Variants in GRM8 observed in about 807,000 individuals in gnomAD.
GRM8 encodes the protein metabotropic glutamate receptor 8.
GRM8 carries 47 observed loss-of-function variants against 87.2 expected under a neutral mutation model. The observed-to-expected ratio is 0.54, with a 90% CI of 0.43 to 0.69. GRM8 has a LOEUF of 0.69. GRM8 is among the 30% of genes least tolerant of loss of function. GRM8 has a pLI of 0.00. For missense variants in GRM8, 1,019 were observed against 1,139.2 expected, an observed-to-expected ratio of 0.89 and a Z score of 1.52; for synonymous variants, 396 against 404.5, an observed-to-expected ratio of 0.98 and a Z score of 0.25.
intron 6 of GRM8, among the ~76,000 whole-genome samples, chr7:126,790,720 C>T (rs1322603940): frequency 6.6e-6 from 1 of 152,064 alleles, no homozygotes; most frequent in Non-Finnish European, 1.5e-5. Flanking sequence ...CAGGGCTGCA[C>T]TTATGATAGC....
At chr7:127,004,531 G>A (rs1023374306) in intron 3 of GRM8, among the ~76,000 whole-genome samples, 55 of 151,712 alleles carry the variant, frequency 3.6e-4, no homozygotes, top group African/African-American at 1.3e-3. Flanking sequence ...AAGCTTCACC[G>A]ATATTGAGGT....
intron 6 of GRM8, among the ~76,000 whole-genome samples, chr7:126,832,898 T>C (rs1407379632): frequency 6.6e-6 from 1 of 152,248 alleles, no homozygotes; most frequent in Admixed American, 6.5e-5. Flanking sequence ...GTTAACATGC[T>C]GTTTTAATTT....
chr7:126,447,857 T>A (rs1802191114), intron 9 of GRM8, among the ~76,000 whole-genome samples: 1 of 151,944 alleles, frequency 6.6e-6, no homozygotes, highest in African/African-American at 2.4e-5. Context: ...TGTCCTTGCA[T>A]CCTTGCATAA....
intron 7 of GRM8, among the ~76,000 whole-genome samples, chr7:126,668,292 T>A (rs1806012123): frequency 6.6e-6 from 1 of 152,116 alleles, no homozygotes; most frequent in Non-Finnish European, 1.5e-5. Context: ...AAGGACCCCA[T>A]CGCTAGCTGA....
rs561163832 is a variant in GRM8, at chr7:126,455,310, C to T, written c.2431-8938G>A. The stretch of plus-strand genomic sequence containing the variant: ...AACTGAGGTTTCTCTAATTTGAAAG[C>T]CCATATCCTTACCACACACCATCTG... On this transcript the variant is annotated intron_variant, in intron 9 of 10. Coordinates refer to ENST00000339582, the MANE Select transcript of GRM8 (RefSeq NM_000845.3). 6.5e-4 allele frequency among the ~76,000 whole-genome samples: 98 copies of T among 151,328 alleles called. 1 individual carries two copies. Among genetic ancestry groups the T allele is most frequent in the South Asian group, 1.0e-3 (5 of 4,764 alleles).
rs1458244602 is a variant in GRM8, at chr7:126,544,082, T to A, written c.1495-10195A>T. On this transcript the variant is annotated intron_variant, in intron 8 of 10. Transcript: ENST00000339582. ...GTTCCTCCTCTGTATTTCATCCTCC[T>A]CCAAGACATATTTTTATTGTAACAC... Among the ~76,000 whole-genome samples, 4 of 152,312 alleles carry A rather than the reference T, an allele frequency of 2.6e-5. No individual in the cohort carries two copies. In the East Asian group the frequency reaches 7.7e-4, roughly 29 times the overall value.
intron 6 of GRM8, among the ~76,000 whole-genome samples, chr7:126,775,783 T>C (rs1448746793): frequency 1.1e-4 from 16 of 152,066 alleles, no homozygotes; most frequent in Admixed American, 1.0e-3. Flanking sequence ...GCGAGTGGCC[T>C]TGGACACCTT....
At chr7:126,687,063 T>C (rs895129053) in intron 7 of GRM8, among the ~76,000 whole-genome samples, 23 of 152,264 alleles carry the variant, frequency 1.5e-4, no homozygotes, top group Admixed American at 1.4e-3. Flanking sequence ...CCAAACCACA[T>C]GTCTCAGTGA....
chr7:126,790,566 G>C (rs1486623527), intron 6 of GRM8, among the ~76,000 whole-genome samples: 2 of 152,088 alleles, frequency 1.3e-5, no homozygotes, highest in Admixed American at 6.6e-5. Context: ...CATTGTATTA[G>C]CATTTTATTT....
chr7:126,930,474 T>G (rs185758239), intron 3 of GRM8, among the ~76,000 whole-genome samples: 1 of 152,156 alleles, frequency 6.6e-6, no homozygotes, highest in African/African-American at 2.4e-5. Context: ...GAGTCCTCCT[T>G]CTGACTGTGA....
intron 8 of GRM8, among the ~76,000 whole-genome samples, chr7:126,605,666 A>G (rs1798275138): frequency 6.6e-6 from 1 of 152,218 alleles, no homozygotes; most frequent in African/African-American, 2.4e-5. Flanking sequence ...GTTCAATCCA[A>G]TAACTGACTG....
At chr7:127,072,518 A>G (rs992283862) in intron 3 of GRM8, among the ~76,000 whole-genome samples, 1 of 151,888 alleles carries the variant, frequency 6.6e-6, no homozygotes, top group African/African-American at 2.4e-5. Flanking sequence ...ACTTTTTAGC[A>G]TTTATATCTG....
intron 6 of GRM8, among the ~76,000 whole-genome samples, chr7:126,786,932 T>C (rs1820683806): frequency 6.6e-6 from 1 of 152,208 alleles, no homozygotes; most frequent in South Asian, 2.1e-4. Context: ...TTCAGCATCA[T>C]ATTGTTTTCA....
In GRM8 at chr7:126,866,580, A is replaced by ATTT. The variant is rs59013947; in HGVS notation, c.1156+35959_1156+35961dup. ...CAAGTCTTGAATATACTTTGACTCA[A>ATTT]TTTTTTTTTTTTTTTTTTTTTTTTT... On this transcript the variant is annotated intron_variant, in intron 6 of 10. Transcript: ENST00000339582. 3.1e-4 allele frequency among the ~76,000 whole-genome samples: 21 copies of ATTT among 68,032 alleles called. 1 individual carries two copies. The highest frequency in any genetic ancestry group is 7.2e-4 in the African/African-American group (11 of 15,380). 44.6% of individuals were successfully genotyped at this position (68,032 alleles called of 152,430 possible).
intron 1 of GRM8, among the ~76,000 whole-genome samples, chr7:127,244,989 A>G (rs2095090442): frequency 1.3e-5 from 2 of 152,080 alleles, no homozygotes; most frequent in South Asian, 4.1e-4. Context: ...GCTGCCCCCA[A>G]AATACTTTCT....
At chr7:127,054,029 C>T (rs190933399) in intron 3 of GRM8, among the ~76,000 whole-genome samples, 6 of 152,176 alleles carry the variant, frequency 3.9e-5, no homozygotes, top group African/African-American at 7.2e-5. Flanking sequence ...CTACTAAATA[C>T]GAGTCAGGAT....
intron 3 of GRM8, among the ~76,000 whole-genome samples, chr7:126,971,144 A>C (rs1810374610): frequency 7.1e-6 from 1 of 140,646 alleles, no homozygotes; most frequent in African/African-American, 2.7e-5. Flanking sequence ...GGTTGCCACA[A>C]AATTTCAATT....
At chr7:126,677,769 G>C (rs1020307665) in intron 7 of GRM8, among the ~76,000 whole-genome samples, 1 of 152,150 alleles carries the variant, frequency 6.6e-6, no homozygotes, top group Non-Finnish European at 1.5e-5. Context: ...TGGATGACAG[G>C]TATCCTAAAA....
At chr7:127,114,242 G>GGA (rs1826563403) in intron 2 of GRM8, among the ~76,000 whole-genome samples, 1 of 152,148 alleles carries the variant, frequency 6.6e-6, no homozygotes, top group Non-Finnish European at 1.5e-5. Context: ...ATTCAGAGCA[G>GGA]GATGTGAGCC....
Sources: gnomAD v4.1 joint callset for allele counts (sites outside exome capture counted in the v4.1 genomes callset) on GRCh38, gnomAD v4.1.1 for gene constraint, MANE v1.5 for transcripts, NCBI Gene and HGNC (gene_info 2026-07-23, HGNC 2026-07-21) for gene names.